The following RORA variants were observed in gnomAD, a reference collection of about 807,000 sequenced individuals.
RORA encodes the protein nuclear receptor ROR-alpha.
RORA carries 7 observed loss-of-function variants against 69.5 expected under a neutral mutation model. The ratio of observed to expected loss-of-function variants is 0.10; its 90% CI spans 0.06 to 0.19. The LOEUF is 0.19. Ranked by LOEUF, RORA falls within the 10% of genes least tolerant of loss-of-function variation. The pLI is 1.00. For missense variants in RORA, 457 were observed against 663.0 expected (o/e 0.69, Z 3.41); for synonymous variants, 261 against 240.8 (o/e 1.08, Z -0.78).
At chr15:61,145,912 C>T (rs1214912067) in intron 1 of RORA, among the ~76,000 whole-genome samples, 1 of 152,118 alleles carries the variant, frequency 6.6e-6, no homozygotes, top group East Asian at 1.9e-4. Flanking sequence ...AAGAGACCCA[C>T]AAAATTTGGA....
chr15:60,540,087 A>G (rs2066812749), intron 2 of RORA, among the ~76,000 whole-genome samples: 2 of 152,236 alleles, frequency 1.3e-5, no homozygotes. Context: ...GTTGTTTCCA[A>G]CAATGGTGTC....
chr15:60,954,812 C>G (rs1441830189), intron 1 of RORA, among the ~76,000 whole-genome samples: 1 of 152,162 alleles, frequency 6.6e-6, no homozygotes, highest in African/African-American at 2.4e-5. Context: ...CTTGAAGGGC[C>G]TCATTCAGCT....
At chr15:60,986,265 C>A (rs933115585) in intron 1 of RORA, among the ~76,000 whole-genome samples, 4 of 152,118 alleles carry the variant, frequency 2.6e-5, no homozygotes, top group Non-Finnish European at 1.5e-5. Flanking sequence ...TCCTGAGTAG[C>A]TGGGACTACA....
intron 1 of RORA, among the ~76,000 whole-genome samples, chr15:60,844,991 C>T (rs1454398934): frequency 6.6e-6 from 1 of 152,072 alleles, no homozygotes; most frequent in African/African-American, 2.4e-5. Context: ...GGAAACCAAA[C>T]CCACCCTTGT....
At chr15:60,922,046 T>TA (rs1166497198) in intron 1 of RORA, among the ~76,000 whole-genome samples, 2 of 152,184 alleles carry the variant, frequency 1.3e-5, no homozygotes, top group African/African-American at 4.8e-5. Context: ...CCCCAACCGT[T>TA]AAAAAATATA....
chr15:60,847,709 G>A (rs974616958), intron 1 of RORA: 1 of 152,022 alleles, frequency 6.6e-6, no homozygotes, highest in African/African-American at 2.4e-5. Context: ...GTATTAATAA[G>A]TTTTCCATAT....
At chr15:60,806,398 AG>A (rs1446592258) in intron 1 of RORA, among the ~76,000 whole-genome samples, 1 of 152,218 alleles carries the variant, frequency 6.6e-6, no homozygotes. Flanking sequence ...AAATCAGGCC[AG>A]ACCAGAATGG....
intron 1 of RORA, among the ~76,000 whole-genome samples, chr15:60,788,529 C>T (rs2072371789): frequency 6.6e-6 from 1 of 152,220 alleles, no homozygotes; most frequent in African/African-American, 2.4e-5. Flanking sequence ...CCTTTCTCTA[C>T]TAATCACGGT....
At chr15:60,843,992 T>C (rs1015527326) in intron 1 of RORA, among the ~76,000 whole-genome samples, 1 of 151,682 alleles carries the variant, frequency 6.6e-6, no homozygotes, top group African/African-American at 2.4e-5. Context: ...CACATCTTCA[T>C]TTACTTTTTT....
At chr15:60,688,154 A>G (rs1212340632) in intron 1 of RORA, among the ~76,000 whole-genome samples, 2 of 152,188 alleles carry the variant, frequency 1.3e-5, no homozygotes, top group African/African-American at 4.8e-5. Flanking sequence ...CGCTACCATC[A>G]TTAAAATAAA....
intron 1 of RORA, among the ~76,000 whole-genome samples, chr15:61,187,438 T>A (rs1304359527): frequency 6.6e-6 from 1 of 152,036 alleles, no homozygotes; most frequent in Non-Finnish European, 1.5e-5. Context: ...ATTTTAATTA[T>A]CAAGGAGGAA....
chr15:61,175,581 T>G (rs1045578344), intron 1 of RORA, among the ~76,000 whole-genome samples: 4 of 139,086 alleles, frequency 2.9e-5, no homozygotes, highest in Non-Finnish European at 6.3e-5. Context: ...TGGTGGCATG[T>G]GCCTGTGGTC....
chr15:61,112,630 G>A (rs2079017129), intron 1 of RORA, among the ~76,000 whole-genome samples: 1 of 152,160 alleles, frequency 6.6e-6, no homozygotes, highest in Non-Finnish European at 1.5e-5. Context: ...GATAATAATA[G>A]CAGCTAACAT....
intron 1 of RORA, among the ~76,000 whole-genome samples, chr15:60,986,783 G>C (rs1404194458): frequency 1.3e-5 from 2 of 152,158 alleles, no homozygotes; most frequent in Non-Finnish European, 2.9e-5. Context: ...GTCACATGGG[G>C]GTCAGGCTGG....
intron 1 of RORA, among the ~76,000 whole-genome samples, chr15:60,807,319 CAAACAAAACA>C (rs544046577): frequency 6.6e-6 from 1 of 151,966 alleles, no homozygotes; most frequent in African/African-American, 2.4e-5. Flanking sequence ...ACAATAGCTG[CAAACAAAACA>C]AAACAAAACA....
chr15:61,159,070 A>C (rs1313109776), intron 1 of RORA, among the ~76,000 whole-genome samples: 2 of 152,214 alleles, frequency 1.3e-5, no homozygotes, highest in Non-Finnish European at 2.9e-5. Context: ...ATAGGTAGAT[A>C]TAAATAGATA....
chr15:60,750,747 TA>T (rs1002325086), intron 1 of RORA, among the ~76,000 whole-genome samples: 8 of 152,350 alleles, frequency 5.3e-5, no homozygotes, highest in Admixed American at 2.0e-4. Flanking sequence ...ATTTTTCACT[TA>T]AAAAATATTT....
chr15:60,797,117 G>C (rs2072510087), intron 1 of RORA, among the ~76,000 whole-genome samples: 1 of 150,280 alleles, frequency 6.7e-6, no homozygotes, highest in South Asian at 2.1e-4. Context: ...AAGCAGATTA[G>C]TGGTTGCCAG....
chr15:60,748,296 T>A (rs1207412506), intron 1 of RORA, among the ~76,000 whole-genome samples: 2 of 130,542 alleles, frequency 1.5e-5, no homozygotes, highest in Non-Finnish European at 3.2e-5. Context: ...AAGCCAATAC[T>A]GATATAATTA....
Sources: allele counts gnomAD v4.1 joint callset (sites outside exome capture counted in the v4.1 genomes callset), GRCh38; gene constraint gnomAD v4.1.1; transcripts MANE v1.5; gene names NCBI Gene and HGNC (gene_info 2026-07-23, HGNC 2026-07-21).